Variants in HS6ST3 observed in about 807,000 individuals in gnomAD.
The protein encoded by HS6ST3 is heparan-sulfate 6-O-sulfotransferase 3.
A neutral mutation model predicts 36.7 loss-of-function variants in HS6ST3; 12 were observed. That is an observed-to-expected ratio of 0.33 (90% CI 0.21 to 0.53). HS6ST3 has a LOEUF of 0.53. Ranked by LOEUF, HS6ST3 falls within the 20% of genes least tolerant of loss-of-function variation. The probability of loss-of-function intolerance (pLI) is 0.95; values close to 1 mark genes in which losing one functional copy is unlikely to be tolerated. For synonymous variants in HS6ST3, 240 were observed against 257.5 expected (o/e 0.93, Z 0.65); for missense variants, 584 against 640.9 (o/e 0.91, Z 0.96).
Position 96,834,538 on chromosome 13 carries a change from G to A in HS6ST3, c.*1340G>A, listed in dbSNP as rs947236294. On this transcript the variant is annotated 3_prime_UTR_variant, in exon 2 of 2. Transcript: ENST00000376705. ...CAACTACAATAACAAGAATTTTATT[G>A]ACTAATAAGGGAATATGTATGGAAG... The A allele has an allele frequency of 2.0e-5, 3 of 152,286 alleles. No homozygotes were observed. Among genetic ancestry groups the A allele is most frequent in the African/African-American group, 7.2e-5 (3 of 41,408 alleles). The allele number at this position is 152,286 out of a possible 1,614,324, so 9.4% of individuals were successfully genotyped here. A position where few individuals can be genotyped will look rare whatever the true frequency, so the allele number is the denominator to read the frequency against.
In HS6ST3 at chr13:96,567,502, A is replaced by C. The variant is rs565581200; in HGVS notation, c.708-264988A>C. The stretch of plus-strand genomic sequence containing the variant: ...CTAAAAATTTTATATGCATCACTCT[A>C]TTATATAATGAGTAATAATAAAATA... On this transcript the variant is annotated intron_variant, in intron 1 of 1. Coordinates refer to ENST00000376705, the MANE Select transcript of HS6ST3 (RefSeq NM_153456.4). Among the ~76,000 whole-genome samples, 8 of 152,276 alleles carry C rather than the reference A, an allele frequency of 5.3e-5. No individual in the cohort carries two copies. The South Asian group carries it at 1.7e-3, about 32-fold the overall frequency.
chr13:96,579,624 AAAAG>A (rs1427842053), intron 1 of HS6ST3, among the ~76,000 whole-genome samples: 1 of 152,230 alleles, frequency 6.6e-6, no homozygotes, highest in Non-Finnish European at 1.5e-5. Context: ...TTTAAACAAA[AAAAG>A]AAGTCAACAA....
chr13:96,825,550 G>T lies in HS6ST3; in HGVS notation c.708-6940G>T, dbSNP rs955457798. ...CACAGTTCTGGGGTTGTCTCTGCTGGTCTCTTACCATGGCTGCTGAATGTC... is the reference window on the plus strand; with the variant it reads ...CACAGTTCTGGGGTTGTCTCTGCTGTTCTCTTACCATGGCTGCTGAATGTC... On this transcript the variant is annotated intron_variant, in intron 1 of 1. Coordinates refer to ENST00000376705, the MANE Select transcript of HS6ST3 (RefSeq NM_153456.4). Among the ~76,000 whole-genome samples, 35 of 152,110 alleles carry T rather than the reference G, an allele frequency of 2.3e-4. 1 individual carries two copies. The highest frequency in any genetic ancestry group is 4.4e-5 in the Non-Finnish European group (3 of 68,022).
At chr13:96,160,491 G>A (rs1026899048) in intron 1 of HS6ST3, among the ~76,000 whole-genome samples, 2 of 152,140 alleles carry the variant, frequency 1.3e-5, no homozygotes, top group South Asian at 2.1e-4. Flanking sequence ...AAGCTGTCCC[G>A]TTCTTATATT....
chr13:96,304,742 G>A (rs554905387), intron 1 of HS6ST3, among the ~76,000 whole-genome samples: 3 of 47,738 alleles, frequency 6.3e-5, no homozygotes, highest in African/African-American at 1.2e-4. Context: ...ACAGAATCTC[G>A]CTCTGTCACC....
intron 1 of HS6ST3, among the ~76,000 whole-genome samples, chr13:96,739,479 A>G (rs183309848): frequency 1.3e-5 from 2 of 152,050 alleles, no homozygotes; most frequent in Non-Finnish European, 2.9e-5. Context: ...CTTTCCCCCA[A>G]AATATCTACT....
At chr13:96,704,713 G>A (rs1173460855) in intron 1 of HS6ST3, among the ~76,000 whole-genome samples, 1 of 152,056 alleles carries the variant, frequency 6.6e-6, no homozygotes, top group East Asian at 1.9e-4. Context: ...TATAAAAACT[G>A]GAACGCCAGG....
At chr13:96,478,044 G>T (rs770294052) in intron 1 of HS6ST3, among the ~76,000 whole-genome samples, 1 of 152,086 alleles carries the variant, frequency 6.6e-6, no homozygotes, top group Admixed American at 6.6e-5. Flanking sequence ...TTCCCTTTGA[G>T]AAATTTTATT....
intron 1 of HS6ST3, among the ~76,000 whole-genome samples, chr13:96,317,355 T>A (rs1256061033): frequency 0.02 from 1,452 of 71,140 alleles, 62 homozygotes; most frequent in African/African-American, 0.11. Flanking sequence ...TATATATATA[T>A]ATATATATAT....
intron 1 of HS6ST3, among the ~76,000 whole-genome samples, chr13:96,804,869 T>C (rs1017497648): frequency 3.3e-5 from 5 of 152,190 alleles, no homozygotes; most frequent in Admixed American, 3.3e-4. Context: ...CTACTTTCAG[T>C]ACAAGTCATT....
intron 1 of HS6ST3, among the ~76,000 whole-genome samples, chr13:96,687,750 G>A (rs936937267): frequency 2.0e-5 from 3 of 151,858 alleles, no homozygotes; most frequent in Non-Finnish European, 4.4e-5. Flanking sequence ...GTTAAGGATT[G>A]AGACTCTCCA....
chr13:96,566,780 A>C (rs2056282805), intron 1 of HS6ST3, among the ~76,000 whole-genome samples: 1 of 152,212 alleles, frequency 6.6e-6, no homozygotes. Context: ...TGGGGAAGGA[A>C]AGTGTTGTGA....
intron 1 of HS6ST3, among the ~76,000 whole-genome samples, chr13:96,660,873 C>T (rs1288664185): frequency 6.6e-6 from 1 of 152,086 alleles, no homozygotes; most frequent in African/African-American, 2.4e-5. Flanking sequence ...GGGAGACCCA[C>T]CCACAAGGTG....
intron 1 of HS6ST3, among the ~76,000 whole-genome samples, chr13:96,606,401 A>G (rs976214038): frequency 6.6e-6 from 1 of 152,134 alleles, no homozygotes; most frequent in African/African-American, 2.4e-5. Flanking sequence ...ATTAAAAAAG[A>G]ATGAAATCAT....
intron 1 of HS6ST3, among the ~76,000 whole-genome samples, chr13:96,791,735 C>T (rs1003548000): frequency 2.0e-5 from 3 of 152,024 alleles, no homozygotes; most frequent in African/African-American, 7.2e-5. Flanking sequence ...ACTTGGATTT[C>T]AGTTTGTGCT....
chr13:96,096,191 A>G (rs1311157457), intron 1 of HS6ST3, among the ~76,000 whole-genome samples: 3 of 152,184 alleles, frequency 2.0e-5, no homozygotes, highest in Non-Finnish European at 1.5e-5. Context: ...CTTCCTTCAA[A>G]TAGTAAAAGG....
intron 1 of HS6ST3, among the ~76,000 whole-genome samples, chr13:96,186,154 A>G (rs770190952): frequency 3.3e-5 from 5 of 152,130 alleles, no homozygotes; most frequent in Non-Finnish European, 7.4e-5. Flanking sequence ...CAAGCTGGCT[A>G]TTTTTCTTAA....
chr13:96,707,921 C>G (rs1473078001), intron 1 of HS6ST3, among the ~76,000 whole-genome samples: 2 of 152,132 alleles, frequency 1.3e-5, no homozygotes, highest in African/African-American at 4.8e-5. Flanking sequence ...CACTTCAGGC[C>G]CTCTATTGAC....
chr13:96,452,913 G>A (rs2055735308), intron 1 of HS6ST3, among the ~76,000 whole-genome samples: 1 of 152,100 alleles, frequency 6.6e-6, no homozygotes, highest in South Asian at 2.1e-4. Flanking sequence ...AAGCTAACAG[G>A]TTACTCTGCC....
Sources: allele counts gnomAD v4.1 joint callset (sites outside exome capture counted in the v4.1 genomes callset), GRCh38; gene constraint gnomAD v4.1.1; transcripts MANE v1.5; gene names NCBI Gene and HGNC (gene_info 2026-07-23, HGNC 2026-07-21).